MARCHF1: variants seen among roughly 807,000 people sequenced by gnomAD.
MARCHF1 encodes E3 ubiquitin-protein ligase MARCHF1.
In MARCHF1, 40 loss-of-function variants were observed where a neutral mutation model predicts 54.2. That is an observed-to-expected ratio of 0.74 (90% CI 0.57 to 0.96). The LOEUF is 0.96. MARCHF1 is among the 40% of genes least tolerant of loss of function. MARCHF1 has a pLI of 0.00. For synonymous variants in MARCHF1, 236 were observed against 236.3 expected, an observed-to-expected ratio of 1.00 and a Z score of 0.01; for missense variants, 586 against 656.5, an observed-to-expected ratio of 0.89 and a Z score of 1.17.
chr4:164,146,962 C>G (rs1336406777), intron 1 of MARCHF1, among the ~76,000 whole-genome samples: 3 of 150,390 alleles, frequency 2.0e-5, no homozygotes, highest in Non-Finnish European at 4.4e-5. Context: ...ACAATGAACT[C>G]AAACAAATTT....
chr4:164,378,793 C>T (rs1578914836), intron 1 of MARCHF1, among the ~76,000 whole-genome samples: 1 of 152,320 alleles, frequency 6.6e-6, no homozygotes, highest in Middle Eastern at 3.4e-3. Flanking sequence ...CTTGCTGCAA[C>T]CTCTGCCTCC....
intron 3 of MARCHF1, among the ~76,000 whole-genome samples, chr4:163,899,308 C>T (rs558321562): frequency 6.6e-6 from 1 of 152,160 alleles, no homozygotes; most frequent in South Asian, 2.1e-4. Flanking sequence ...TCCAAGGTCA[C>T]TAATGATGCC....
chr4:164,219,322 G>A (rs1202306769), intron 1 of MARCHF1, among the ~76,000 whole-genome samples: 1 of 152,054 alleles, frequency 6.6e-6, no homozygotes, highest in Non-Finnish European at 1.5e-5. Context: ...ACACTCACTA[G>A]TTGCTTCTTA....
chr4:164,241,899 C>T (rs1003807506), intron 1 of MARCHF1, among the ~76,000 whole-genome samples: 9 of 152,188 alleles, frequency 5.9e-5, no homozygotes, highest in African/African-American at 1.9e-4. Context: ...CACTCCCACC[C>T]GAATACTGCG....
At chr4:163,764,036 T>TA (rs1746905638) in intron 4 of MARCHF1, among the ~76,000 whole-genome samples, 1 of 152,034 alleles carries the variant, frequency 6.6e-6, no homozygotes, top group Admixed American at 6.6e-5. Flanking sequence ...GCAGCTAAAA[T>TA]AAAAAACGTA....
intron 2 of MARCHF1, among the ~76,000 whole-genome samples, chr4:163,990,058 T>C (rs1339942382): frequency 6.6e-6 from 1 of 152,172 alleles, no homozygotes; most frequent in South Asian, 2.1e-4. Flanking sequence ...AGGATAGAGA[T>C]AAAATGTGAA....
intron 4 of MARCHF1, among the ~76,000 whole-genome samples, chr4:163,829,843 A>C (rs969027222): frequency 6.6e-6 from 1 of 152,188 alleles, no homozygotes; most frequent in Admixed American, 6.5e-5. Context: ...GGCAGGCCTC[A>C]CTGTATACAG....
intron 5 of MARCHF1, among the ~76,000 whole-genome samples, chr4:163,693,727 G>A (rs1028895461): frequency 1.4e-5 from 2 of 143,118 alleles, no homozygotes; most frequent in African/African-American, 5.3e-5. Flanking sequence ...CCATATGACT[G>A]GAACTATCCC....
intron 1 of MARCHF1, among the ~76,000 whole-genome samples, chr4:164,351,723 C>A (rs935232308): frequency 9.2e-5 from 14 of 152,046 alleles, no homozygotes; most frequent in Non-Finnish European, 2.1e-4. Context: ...TCCAAAGGAA[C>A]GCAGTTTCTC....
At chr4:163,725,382 G>A (rs111361505) in intron 4 of MARCHF1, among the ~76,000 whole-genome samples, 5,865 of 151,986 alleles carry the variant, frequency 0.039, 170 homozygotes, top group East Asian at 0.076. Flanking sequence ...GGAGGCTAAG[G>A]TGGGAGGATC....
chr4:163,670,082 C>A (rs1579178948), intron 5 of MARCHF1, among the ~76,000 whole-genome samples: 1 of 114,384 alleles, frequency 8.7e-6, no homozygotes, highest in South Asian at 2.6e-4. Context: ...TCCAAAGTTT[C>A]TTTCTTTAAT....
At chr4:164,347,817 A>G (rs865836861) in intron 1 of MARCHF1, among the ~76,000 whole-genome samples, 4 of 152,212 alleles carry the variant, frequency 2.6e-5, no homozygotes, top group Non-Finnish European at 4.4e-5. Context: ...ATGCTCAAAG[A>G]AACAAAATGA....
At chr4:164,228,347 T>G (rs916345757) in intron 1 of MARCHF1, among the ~76,000 whole-genome samples, 6 of 152,194 alleles carry the variant, frequency 3.9e-5, no homozygotes, top group African/African-American at 1.2e-4. Context: ...ATAGACTGAA[T>G]TAAACACATG....
intron 1 of MARCHF1, among the ~76,000 whole-genome samples, chr4:164,371,203 T>C (rs1731028192): frequency 6.6e-6 from 1 of 152,122 alleles, no homozygotes; most frequent in African/African-American, 2.4e-5. Flanking sequence ...TGGCTGTACC[T>C]TTTGTGGTGG....
intron 4 of MARCHF1, among the ~76,000 whole-genome samples, chr4:163,766,501 A>G (rs975568952): frequency 3.3e-5 from 5 of 152,222 alleles, no homozygotes; most frequent in Non-Finnish European, 7.4e-5. Flanking sequence ...CAGCCTTACT[A>G]CAGGTCCAAT....
chr4:164,110,963 TGTC>T, intron 2 of MARCHF1, among the ~76,000 whole-genome samples: 1 of 151,958 alleles, frequency 6.6e-6, no homozygotes, highest in South Asian at 2.1e-4. Context: ...TTCAATTTAA[TGTC>T]GTTCTTGATT....
intron 5 of MARCHF1, among the ~76,000 whole-genome samples, chr4:163,619,454 A>T (rs531305147): frequency 6.6e-6 from 1 of 152,298 alleles, no homozygotes; most frequent in Admixed American, 6.5e-5. Context: ...GATTCAGGAA[A>T]ATTATTTAAT....
At chr4:163,939,325 CT>C (rs1751863117) in intron 3 of MARCHF1, among the ~76,000 whole-genome samples, 1 of 152,106 alleles carries the variant, frequency 6.6e-6, no homozygotes, top group Non-Finnish European at 1.5e-5. Flanking sequence ...TTCCTGTATC[CT>C]TGATAATTAT....
At chr4:164,332,575 G>A (rs1232936736) in intron 1 of MARCHF1, among the ~76,000 whole-genome samples, 1 of 152,070 alleles carries the variant, frequency 6.6e-6, no homozygotes, top group African/African-American at 2.4e-5. Context: ...AGACAGCTGG[G>A]TTCCTGAGAA....
Sources: gnomAD v4.1 joint callset for allele counts (sites outside exome capture counted in the v4.1 genomes callset) on GRCh38, gnomAD v4.1.1 for gene constraint, MANE v1.5 for transcripts, NCBI Gene and HGNC (gene_info 2026-07-23, HGNC 2026-07-21) for gene names.